The following NAALADL2 variants were observed in gnomAD, a reference collection of about 807,000 sequenced individuals.
The protein encoded by NAALADL2 is inactive N-acetylated-alpha-linked acidic dipeptidase-like protein 2.
Under a neutral mutation model 87.2 loss-of-function variants are expected in NAALADL2, and 76 were observed. That is an observed-to-expected ratio of 0.87 (90% confidence interval 0.72 to 1.05). NAALADL2 has a LOEUF of 1.05. Among genes scored for constraint, NAALADL2 ranks in the 50% least tolerant of loss-of-function variants. NAALADL2 has a pLI of 0.00. For missense variants in NAALADL2, 1,089 were observed against 945.8 expected, an observed-to-expected ratio of 1.15 and a Z score of -1.99; for synonymous variants, 354 against 331.0, an observed-to-expected ratio of 1.07 and a Z score of -0.75.
chr3:175,367,804 G>A (rs1765840421), intron 5 of NAALADL2, among the ~76,000 whole-genome samples: 1 of 152,162 alleles, frequency 6.6e-6, no homozygotes, highest in Non-Finnish European at 1.5e-5. Flanking sequence ...TCTGCAAACA[G>A]GGACAGTTTG....
chr3:175,582,218 T>TAA (rs558758035), intron 10 of NAALADL2, among the ~76,000 whole-genome samples: 1 of 136,056 alleles, frequency 7.3e-6, no homozygotes, highest in Non-Finnish European at 1.6e-5. Context: ...AGACAAATAC[T>TAA]AAAAAAAAAA....
intron 9 of NAALADL2, among the ~76,000 whole-genome samples, chr3:175,575,519 A>G (rs1410305764): frequency 2.0e-5 from 3 of 152,094 alleles, no homozygotes; most frequent in Non-Finnish European, 4.4e-5. Flanking sequence ...TGCTAACCTC[A>G]GGTGACCCGC....
At chr3:174,971,917 T>A (rs1743724827) in intron 1 of NAALADL2, among the ~76,000 whole-genome samples, 2 of 152,086 alleles carry the variant, frequency 1.3e-5, no homozygotes, top group African/African-American at 4.8e-5. Flanking sequence ...AGGCTGGTCT[T>A]GAACTCCTGA....
intron 1 of NAALADL2, among the ~76,000 whole-genome samples, chr3:174,909,332 T>G (rs1418542354): frequency 6.6e-6 from 1 of 151,954 alleles, no homozygotes; most frequent in South Asian, 2.1e-4. Flanking sequence ...GAGACAGAGG[T>G]CGCCATGAGC....
chr3:175,204,578 G>A (rs1580915828), intron 2 of NAALADL2, among the ~76,000 whole-genome samples: 1 of 152,028 alleles, frequency 6.6e-6, no homozygotes, highest in East Asian at 1.9e-4. Flanking sequence ...CTTCAACATA[G>A]AACTGGACGT....
intron 3 of NAALADL2, among the ~76,000 whole-genome samples, chr3:174,835,365 C>A (rs1723202860): frequency 6.6e-6 from 1 of 152,064 alleles, no homozygotes; most frequent in Non-Finnish European, 1.5e-5. Flanking sequence ...TGAAATGGAT[C>A]AAGGACTTAA....
chr3:175,178,580 T>C (rs1736017174), intron 2 of NAALADL2, among the ~76,000 whole-genome samples: 1 of 152,034 alleles, frequency 6.6e-6, no homozygotes, highest in Non-Finnish European at 1.5e-5. Context: ...GGAAAAACAG[T>C]GCTTTAAATC....
At position 175,207,967 on chromosome 3, in the gene NAALADL2, T is replaced by C. The variant is rs141020561; in HGVS notation, c.546-25964T>C. Among the ~76,000 whole-genome samples the C allele has an allele frequency of 5.7e-3, 862 of 152,224 alleles. 12 individuals carry two copies. The highest frequency in any genetic ancestry group is 0.019 in the African/African-American group (794 of 41,552). On this transcript the variant is annotated intron_variant, in intron 2 of 13. Transcript: ENST00000454872. The stretch of plus-strand genomic sequence containing the variant: ...AAGATTTACTTACAGGAGTATAAAC[T>C]GAACGAGGGCATAAAAGCTCTTATT...
chr3:175,557,321 A>C (rs1160603020), intron 9 of NAALADL2, among the ~76,000 whole-genome samples: 3 of 152,158 alleles, frequency 2.0e-5, no homozygotes, highest in Admixed American at 6.5e-5. Flanking sequence ...TTTTGATGCA[A>C]GCATGAAGTG....
In NAALADL2 at chr3:174,518,381, A is replaced by G. The variant is rs186835652; in HGVS notation, c.-183-32188A>G. 2.6e-3 allele frequency among the ~76,000 whole-genome samples: 399 copies of G among 152,298 alleles called. 1 individual carries two copies. In the Middle Eastern group the frequency reaches 0.027, roughly 10 times the overall value. ...GGGAGGCTTAGGGATAGTTTTTTAC[A>G]TAAAATAATTTTAAATACGTTTTTG... On this transcript the variant is annotated intron_variant, in intron 1 of 3. Transcript: ENST00000434257.
At position 175,110,854 on chromosome 3, in the gene NAALADL2, A is replaced by G. The variant is rs190472690; in HGVS notation, c.545+13563A>G. ...AAAACGTTTAGTAAATCTGGGTAACAATTTGGGGTCAAAGAAACAAGATGA... is the reference window on the plus strand; with the variant it reads ...AAAACGTTTAGTAAATCTGGGTAACGATTTGGGGTCAAAGAAACAAGATGA... On this transcript the variant is annotated intron_variant, in intron 2 of 13. Transcript: ENST00000454872. Among the ~76,000 whole-genome samples, 387 of 151,874 alleles carry G rather than the reference A, an allele frequency of 2.5e-3. 2 individuals carry two copies. The highest frequency in any genetic ancestry group is 8.9e-3 in the African/African-American group (368 of 41,506).
rs1721203722 is a variant in NAALADL2 at position 175,590,214 on chromosome 3, ATATATAT to A, written c.1800+14028_1800+14034del. 2.8e-4 allele frequency among the ~76,000 whole-genome samples: 41 copies of A among 146,968 alleles called. 5 individuals are homozygous for A. The highest frequency in any genetic ancestry group is 8.9e-4 in the African/African-American group (35 of 39,382). ...GCGACAGAGCGAGACTCCGTCTAAT[ATATATAT>A]ATATATATATATATATATATATATA... is the stretch of plus-strand genomic sequence containing the variant. On this transcript the variant is annotated intron_variant, in intron 10 of 13. Coordinates refer to ENST00000454872, the MANE Select transcript of NAALADL2 (RefSeq NM_207015.3).
chr3:175,453,677 T>C (rs6443304), intron 6 of NAALADL2, among the ~76,000 whole-genome samples: 117,976 of 152,072 alleles, frequency 0.78, 45,982 homozygotes, highest in East Asian at 0.89. Flanking sequence ...GAATTATTTG[T>C]GGTTTTCTTT....
intron 1 of NAALADL2, among the ~76,000 whole-genome samples, chr3:174,506,676 G>T (rs73881194): frequency 0.031 from 4,788 of 152,080 alleles, 242 homozygotes; most frequent in African/African-American, 0.11. Context: ...CAAAATCCTT[G>T]CTAGAAAGAT....
In NAALADL2 at chr3:175,279,787, A is replaced by AGTGTGT. The variant is rs34107349; in HGVS notation, c.939+23286_939+23291dup. 6.9e-3 allele frequency among the ~76,000 whole-genome samples: 867 copies of AGTGTGT among 125,614 alleles called. 11 individuals are homozygous for AGTGTGT. The highest frequency in any genetic ancestry group is 0.019 in the African/African-American group (734 of 38,954). The allele number at this position is 125,614 out of a possible 152,430, so 82.4% of individuals were successfully genotyped here. On this transcript the variant is annotated intron_variant, in intron 4 of 13. Coordinates refer to ENST00000454872, the MANE Select transcript of NAALADL2 (RefSeq NM_207015.3). Reference sequence around the variant, plus strand: ...AATAAGATCCTCTGCATAGTGTGTGAGTGTGTGTGTGTGTGTGTGTGTGTG... The same window carrying AGTGTGT: ...AATAAGATCCTCTGCATAGTGTGTGAGTGTGTGTGTGTGTGTGTGTGTGTGTGTGTG...
At chr3:175,470,529 A>T (rs1386556894) in intron 8 of NAALADL2, among the ~76,000 whole-genome samples, 1 of 152,206 alleles carries the variant, frequency 6.6e-6, no homozygotes, top group Admixed American at 6.5e-5. Flanking sequence ...GGATGACATT[A>T]TCTATTTGGC....
chr3:175,300,143 G>T (rs1024920114), intron 4 of NAALADL2, among the ~76,000 whole-genome samples: 1 of 152,206 alleles, frequency 6.6e-6, no homozygotes, highest in Non-Finnish European at 1.5e-5. Context: ...AAGCTGACTT[G>T]ATCGTGGTGG....
At chr3:175,310,095 A>C (rs1205938399) in intron 4 of NAALADL2, among the ~76,000 whole-genome samples, 1 of 152,230 alleles carries the variant, frequency 6.6e-6, no homozygotes, top group South Asian at 2.1e-4. Flanking sequence ...AGTTTTTATG[A>C]TAAAATTTCC....
intron 1 of NAALADL2, among the ~76,000 whole-genome samples, chr3:174,863,455 A>G (rs1332542732): frequency 6.6e-6 from 1 of 151,992 alleles, no homozygotes; most frequent in East Asian, 1.9e-4. Flanking sequence ...TAAGACATTT[A>G]GTTAATTTTC....
Sources: gnomAD v4.1 joint callset for allele counts (sites outside exome capture counted in the v4.1 genomes callset) on GRCh38, gnomAD v4.1.1 for gene constraint, MANE v1.5 for transcripts, NCBI Gene and HGNC (gene_info 2026-07-23, HGNC 2026-07-21) for gene names.